The following CDH13 variants were observed in gnomAD, a reference collection of about 807,000 sequenced individuals.
The protein encoded by CDH13 is cadherin-13.
In CDH13, 24 loss-of-function variants were observed where a neutral mutation model predicts 63.8. The ratio of observed to expected loss-of-function variants is 0.38; its 90% CI spans 0.27 to 0.53. The LOEUF (loss-of-function observed/expected upper bound fraction) is 0.53. Among genes scored for constraint, CDH13 ranks in the 20% least tolerant of loss-of-function variants. The probability of loss-of-function intolerance (pLI) is 0.85; values close to 1 mark genes in which losing one functional copy is unlikely to be tolerated. For missense variants in CDH13, 1,049 were observed against 903.1 expected (o/e 1.16, Z -2.07); for synonymous variants, 503 against 355.3 (o/e 1.42, Z -4.67).
chr16:83,215,718 A>AC (rs1424972976), intron 4 of CDH13, among the ~76,000 whole-genome samples: 13 of 151,848 alleles, frequency 8.6e-5, no homozygotes, highest in Non-Finnish European at 1.9e-4. Flanking sequence ...AGCCACCTAA[A>AC]CCCTCCAGGC....
intron 2 of CDH13, among the ~76,000 whole-genome samples, chr16:83,019,051 C>T (rs1370370224): frequency 6.6e-6 from 1 of 152,160 alleles, no homozygotes; most frequent in African/African-American, 2.4e-5. Flanking sequence ...TTAGGCTATA[C>T]TAAGTTTATA....
chr16:82,682,676 C>T lies in CDH13; in HGVS notation c.45+55539C>T, dbSNP rs1023571406. On this transcript the variant is annotated intron_variant, in intron 1 of 13. Coordinates refer to ENST00000567109, the MANE Select transcript of CDH13 (RefSeq NM_001257.5). ...ATTCAAATAGGAAGTCTCCAAGGAG[C>T]AAGGTTGTATTCTTGGAGGTGGACA... 5.3e-5 allele frequency among the ~76,000 whole-genome samples: 8 copies of T among 152,132 alleles called. No homozygotes were observed. In the South Asian group the frequency reaches 6.2e-4, roughly 12 times the overall value.
intron 1 of CDH13, among the ~76,000 whole-genome samples, chr16:82,792,830 A>G (rs2036386173): frequency 6.6e-6 from 1 of 152,228 alleles, no homozygotes; most frequent in African/African-American, 2.4e-5. Flanking sequence ...AGGCTGCGTG[A>G]CATCATTCCA....
At chr16:82,951,579 C>T (rs964134471) in intron 2 of CDH13, among the ~76,000 whole-genome samples, 1 of 152,164 alleles carries the variant, frequency 6.6e-6, no homozygotes, top group South Asian at 2.1e-4. Context: ...GCAATGAGTC[C>T]TATTTTGTTG....
At chr16:82,749,392 G>T (rs1423592407) in intron 1 of CDH13, among the ~76,000 whole-genome samples, 2 of 152,148 alleles carry the variant, frequency 1.3e-5, no homozygotes, top group African/African-American at 4.8e-5. Flanking sequence ...GAAGAGAGAG[G>T]TAACCCTGAT....
intron 7 of CDH13, among the ~76,000 whole-genome samples, chr16:83,552,743 A>G (rs1348124467): frequency 6.6e-6 from 1 of 152,222 alleles, no homozygotes; most frequent in East Asian, 1.9e-4. Context: ...ACTGCATTTC[A>G]GGGGAAAGAT....
chr16:83,216,964 C>G (rs1445667359), intron 4 of CDH13, among the ~76,000 whole-genome samples: 1 of 152,098 alleles, frequency 6.6e-6, no homozygotes, highest in East Asian at 1.9e-4. Context: ...AATGCATGCG[C>G]AGCAAATGGC....
chr16:82,748,762 A>G (rs1170721498), intron 1 of CDH13, among the ~76,000 whole-genome samples: 1 of 152,170 alleles, frequency 6.6e-6, no homozygotes. Flanking sequence ...TCCTATAAAG[A>G]GCCAGGATGG....
chr16:82,675,707 C>A (rs1385060085), intron 1 of CDH13, among the ~76,000 whole-genome samples: 1 of 152,122 alleles, frequency 6.6e-6, no homozygotes, highest in Non-Finnish European at 1.5e-5. Flanking sequence ...TTCTGGGTTC[C>A]CTTCCTGCCT....
intron 4 of CDH13, among the ~76,000 whole-genome samples, chr16:83,173,796 T>C (rs1036318018): frequency 2.0e-5 from 3 of 152,092 alleles, no homozygotes; most frequent in African/African-American, 7.2e-5. Flanking sequence ...ACTGAGGTTG[T>C]ACCCTTTTTA....
chr16:82,809,897 C>A (rs1001189895), intron 1 of CDH13, among the ~76,000 whole-genome samples: 6 of 151,996 alleles, frequency 3.9e-5, no homozygotes, highest in African/African-American at 1.4e-4. Flanking sequence ...ATATAAGGTG[C>A]CTGTTAAGAA....
intron 7 of CDH13, among the ~76,000 whole-genome samples, chr16:83,557,020 G>C (rs1598284378): frequency 6.6e-6 from 1 of 152,226 alleles, no homozygotes; most frequent in Non-Finnish European, 1.5e-5. Context: ...GAGGTGAGCA[G>C]TGGGTGAGCG....
At chr16:82,669,495 G>C (rs144792061) in intron 1 of CDH13, among the ~76,000 whole-genome samples, 10 of 152,102 alleles carry the variant, frequency 6.6e-5, no homozygotes, top group African/African-American at 2.4e-4. Context: ...TTGTAATTCT[G>C]ATAACATTAC....
chr16:83,291,420 C>G (rs985355783), intron 5 of CDH13, among the ~76,000 whole-genome samples: 2 of 152,096 alleles, frequency 1.3e-5, no homozygotes, highest in African/African-American at 4.8e-5. Context: ...GGTTTGGCGA[C>G]CCAGCTACGA....
chr16:83,758,459 TA>T (rs200232880), intron 11 of CDH13, among the ~76,000 whole-genome samples: 22 of 150,354 alleles, frequency 1.5e-4, no homozygotes, highest in East Asian at 3.9e-4. Context: ...AGTCTAGTTT[TA>T]AAAAAAAAAT....
chr16:82,661,016 A>G (rs1376228278), intron 1 of CDH13, among the ~76,000 whole-genome samples: 1 of 152,066 alleles, frequency 6.6e-6, no homozygotes, highest in African/African-American at 2.4e-5. Flanking sequence ...TCCTGGGGAC[A>G]TGGCAGTGGC....
At chr16:83,600,273 C>T (rs1164413376) in intron 7 of CDH13, among the ~76,000 whole-genome samples, 1 of 152,108 alleles carries the variant, frequency 6.6e-6, no homozygotes, top group Non-Finnish European at 1.5e-5. Flanking sequence ...TCGATCCTGG[C>T]GGAGCTGGAA....
intron 1 of CDH13, among the ~76,000 whole-genome samples, chr16:82,816,236 A>G (rs577425066): frequency 6.6e-6 from 1 of 152,152 alleles, no homozygotes; most frequent in South Asian, 2.1e-4. Context: ...TGTTCTTCCC[A>G]CTATCTTATT....
chr16:83,019,702 C>T (rs1247062027), intron 2 of CDH13, among the ~76,000 whole-genome samples: 1 of 151,276 alleles, frequency 6.6e-6, no homozygotes, highest in Non-Finnish European at 1.5e-5. Context: ...TGCCATGTTG[C>T]CCAGTATGGT....
Sources: allele counts gnomAD v4.1 joint callset (sites outside exome capture counted in the v4.1 genomes callset), GRCh38; gene constraint gnomAD v4.1.1; transcripts MANE v1.5; gene names NCBI Gene and HGNC (gene_info 2026-07-23, HGNC 2026-07-21).